The following KNTC1 variants were observed in gnomAD, a reference collection of about 807,000 sequenced individuals.
KNTC1 encodes kinetochore associated 1.
Under a neutral mutation model 314.4 loss-of-function variants are expected in KNTC1, and 253 were observed. The observed-to-expected ratio is 0.80, with a 90% CI of 0.73 to 0.89. The LOEUF (loss-of-function observed/expected upper bound fraction) is 0.89, where lower values mean the gene tolerates loss of function less well. Ranked by LOEUF, KNTC1 falls within the 40% of genes least tolerant of loss-of-function variation. KNTC1 has a pLI of 0.00. For synonymous variants in KNTC1, 901 were observed against 901.4 expected, an observed-to-expected ratio of 1.00 and a Z score of 0.01; for missense variants, 2,475 against 2,572.9, an observed-to-expected ratio of 0.96 and a Z score of 0.82.
chr12:122,564,935 A>G (rs921842772), intron 20 of KNTC1, among the ~76,000 whole-genome samples: 7 of 152,198 alleles, frequency 4.6e-5, no homozygotes, highest in Admixed American at 1.3e-4. Context: ...ACATGGAAGT[A>G]TATCTGTGGA....
At chr12:122,536,672 A>G (rs1015583494) in intron 3 of KNTC1, among the ~76,000 whole-genome samples, 1 of 151,438 alleles carries the variant, frequency 6.6e-6, no homozygotes, top group African/African-American at 2.4e-5. Context: ...GGCGCCTGCC[A>G]CCATGCCTGG....
At chr12:122,547,368 T>A in intron 10 of KNTC1, 47 bp from the exon 11 acceptor site, 1 of 1,239,482 alleles carries the variant, frequency 8.1e-7, no homozygotes, top group Non-Finnish European at 1.2e-6. Flanking sequence ...AGAGCAAAAC[T>A]CTGTCTCAAA....
At position 122,582,920 on chromosome 12, in the gene KNTC1, G is replaced by C. The variant is rs563315005; in HGVS notation, c.3198G>C (p.Leu1066=). 2.4e-5 allele frequency: 38 copies of C among 1,613,642 alleles called. No homozygotes were observed. In the East Asian group the frequency reaches 8.0e-4, roughly 34 times the overall value. The stretch of plus-strand genomic sequence containing the variant: ...CCCTGCAGATGTCCAAACAAGAGCT[G>C]GAGGCAGAGCTGACCTTGAGAGCCT... ...ALALQMSKQE[L]EAELTLRALK... The change falls in exon 34 of 64, where the codon CTG becomes CTC. Residue 1066 remains leucine, a synonymous_variant. Transcript: ENST00000333479.
intron 51 of KNTC1, among the ~76,000 whole-genome samples, chr12:122,605,900 G>A (rs1872534493): frequency 1.3e-5 from 2 of 151,098 alleles, no homozygotes; most frequent in Non-Finnish European, 2.9e-5. Flanking sequence ...CAAGTGCAAT[G>A]GCACAATCAT....
intron 18 of KNTC1, among the ~76,000 whole-genome samples, chr12:122,561,393 G>A (rs1169076672): frequency 6.6e-6 from 1 of 151,500 alleles, no homozygotes; most frequent in Non-Finnish European, 1.5e-5. Flanking sequence ...TGCAATTTTT[G>A]CAATTGCAAA....
chr12:122,610,740 C>G, intron 52 of KNTC1, 82 bp from the exon 53 acceptor site: 2 of 879,392 alleles, frequency 2.3e-6, no homozygotes, highest in Non-Finnish European at 1.9e-6. Context: ...AATGACCGTT[C>G]CATGGATAGA....
Position 122,604,547 on chromosome 12 carries a change from T to A in KNTC1, c.5102-17T>A. The A allele has an allele frequency of 1.7e-6, 2 of 1,209,208 alleles. No individual in the cohort carries two copies. Among genetic ancestry groups the A allele is most frequent in the East Asian group, 5.0e-5 (2 of 39,612 alleles). The allele number at this position is 1,209,208 out of a possible 1,614,324, so 74.9% of individuals were successfully genotyped here. On this transcript the variant is annotated splice_polypyrimidine_tract_variant and intron_variant, in intron 48 of 63. Coordinates refer to ENST00000333479, the MANE Select transcript of KNTC1 (RefSeq NM_014708.6). Reference sequence around the variant, plus strand: ...TGCCTGTAAATCTTTATTTATTTATTTATTTATTTATTTTAGGTTCCTTCA... The same window carrying A: ...TGCCTGTAAATCTTTATTTATTTATATATTTATTTATTTTAGGTTCCTTCA...
chr12:122,562,821 C>G, intron 20 of KNTC1, 122 bp downstream of exon 20: 1 of 591,338 alleles, frequency 1.7e-6, no homozygotes, highest in Non-Finnish European at 3.2e-6. Context: ...ACCAGCCTGG[C>G]CAACATGGCA....
In KNTC1 at chr12:122,587,708, C is replaced by T. The variant is rs1456730200; in HGVS notation, c.3731-3C>T. The T allele has an allele frequency of 6.2e-7, 1 of 1,606,958 alleles. No homozygotes were observed. Among genetic ancestry groups the T allele is most frequent in the Non-Finnish European group, 8.5e-7 (1 of 1,176,354 alleles). ...AATATTAAAATCCTTTATCACTCTG[C>T]AGGAGATGGCCTTGTTTTACCTGTT... On this transcript the variant is annotated splice_region_variant and splice_polypyrimidine_tract_variant and intron_variant, in intron 38 of 63. Coordinates refer to ENST00000333479, the MANE Select transcript of KNTC1 (RefSeq NM_014708.6).
At chr12:122,622,425 T>G in intron 61 of KNTC1, 37 bp from the exon 62 acceptor site, 1 of 1,454,102 alleles carries the variant, frequency 6.9e-7, no homozygotes, top group Non-Finnish European at 9.5e-7. Flanking sequence ...TCTAATAGAT[T>G]AGAAGTCTGA....
intron 31 of KNTC1, 95 bp downstream of exon 31, chr12:122,577,886 G>T (rs1374957810): frequency 2.7e-6 from 3 of 1,128,738 alleles, no homozygotes; most frequent in African/African-American, 1.6e-5. Flanking sequence ...ATGAAGATCT[G>T]CTCTTCTCAC....
intron 61 of KNTC1, 113 bp downstream of exon 61, chr12:122,622,083 T>G: frequency 1.3e-6 from 1 of 794,172 alleles, no homozygotes; most frequent in Non-Finnish European, 2.0e-6. Flanking sequence ...TTTGTTTATG[T>G]ATAGAATTAT....
intron 16 of KNTC1, 81 bp downstream of exon 16, chr12:122,551,777 A>C (rs1963215676): frequency 2.0e-6 from 2 of 1,006,550 alleles, no homozygotes; most frequent in Non-Finnish European, 3.1e-6. Context: ...CATGTAATAT[A>C]TAATTGGAAT....
chr12:122,622,075 T>TTCA, intron 61 of KNTC1, 105 bp downstream of exon 61: 1 of 805,838 alleles, frequency 1.2e-6, no homozygotes, highest in Non-Finnish European at 2.0e-6. Flanking sequence ...TCTAGCTGTT[T>TTCA]GTTTATGTAT....
chr12:122,619,777 G>A (rs747345233), intron 59 of KNTC1, among the ~76,000 whole-genome samples: 2 of 152,118 alleles, frequency 1.3e-5, no homozygotes, highest in Non-Finnish European at 2.9e-5. Flanking sequence ...TGTGTTGTGC[G>A]ACTAGTAAAC....
At chr12:122,595,211 A>G (rs1228178815) in intron 43 of KNTC1, among the ~76,000 whole-genome samples, 1 of 152,222 alleles carries the variant, frequency 6.6e-6, no homozygotes, top group Admixed American at 6.5e-5. Context: ...TGTGTTATTT[A>G]TAGATTCCGC....
At chr12:122,605,243 ATAAG>A in intron 50 of KNTC1, 59 bp from the exon 51 acceptor site, 1 of 1,155,808 alleles carries the variant, frequency 8.7e-7, no homozygotes, top group Non-Finnish European at 1.2e-6. Flanking sequence ...ACATACACAT[ATAAG>A]TATTCAATAT....
At chr12:122,615,843 T>C (rs916979803) in intron 57 of KNTC1, among the ~76,000 whole-genome samples, 6 of 152,194 alleles carry the variant, frequency 3.9e-5, no homozygotes, top group African/African-American at 1.4e-4. Context: ...ATGATTAAAG[T>C]TGTGCCCGGA....
intron 60 of KNTC1, 63 bp from the exon 61 acceptor site, chr12:122,621,818 G>A (rs1874469004): frequency 1.1e-5 from 12 of 1,059,584 alleles, no homozygotes; most frequent in East Asian, 7.8e-5. Flanking sequence ...CCTGATCAAC[G>A]GCTCTTGCTG....
Sources: gnomAD v4.1 joint callset for allele counts (sites outside exome capture counted in the v4.1 genomes callset) on GRCh38, gnomAD v4.1.1 for gene constraint, MANE v1.5 for transcripts, NCBI Gene and HGNC (gene_info 2026-07-23, HGNC 2026-07-21) for gene names.